The following CIMIP6 variants were observed in gnomAD, a reference collection of about 807,000 sequenced individuals.
The protein encoded by CIMIP6 is uncharacterized protein C2orf73.
the CIMIP6 span, among the ~76,000 whole-genome samples, chr2:54,355,675 T>A: frequency 1.3e-3 from 195 of 152,244 alleles, 1 homozygote; most frequent in Middle Eastern, 6.8e-3. Context: ...AGCTTCTCAG[T>A]CTGATTTTCT....
chr2:54,362,095 T>G, the CIMIP6 span, among the ~76,000 whole-genome samples: 2 of 152,174 alleles, frequency 1.3e-5, no homozygotes, highest in African/African-American at 4.8e-5. Context: ...AATTTACATG[T>G]AAGACTTCTC....
the CIMIP6 span, among the ~76,000 whole-genome samples, chr2:54,370,422 ATTACAATTATTT>A: frequency 6.6e-6 from 1 of 150,714 alleles, no homozygotes; most frequent in Non-Finnish European, 1.5e-5. Context: ...TCAAAGGTGT[ATTACAATTATTT>A]TTAGTACTAA....
chr2:54,378,937 C>A, the CIMIP6 span, among the ~76,000 whole-genome samples: 1 of 152,178 alleles, frequency 6.6e-6, no homozygotes, highest in Non-Finnish European at 1.5e-5. Context: ...ATTTTCACAT[C>A]TTTGGTTTTT....
At chr2:54,355,607 C>A in the CIMIP6 span, among the ~76,000 whole-genome samples, 1 of 151,932 alleles carries the variant, frequency 6.6e-6, no homozygotes, top group Non-Finnish European at 1.5e-5. Flanking sequence ...ATACTTCCAC[C>A]TTCCATGTCT....
At chr2:54,355,573 T>C in the CIMIP6 span, among the ~76,000 whole-genome samples, 1 of 152,088 alleles carries the variant, frequency 6.6e-6, no homozygotes. Context: ...CCCTTCCCTC[T>C]ATTTCTTCTT....
At chr2:54,370,441 C>CA in the CIMIP6 span, among the ~76,000 whole-genome samples, 1 of 141,224 alleles carries the variant, frequency 7.1e-6, no homozygotes, top group Non-Finnish European at 1.6e-5. Flanking sequence ...ATTTTTAGTA[C>CA]TAAAAAAAAA....
At chr2:54,332,040 A>G in the CIMIP6 span, among the ~76,000 whole-genome samples, 6 of 152,186 alleles carry the variant, frequency 3.9e-5, no homozygotes, top group African/African-American at 1.4e-4. Context: ...CAAGGTCACA[A>G]TTGATGCCAA....
the CIMIP6 span, among the ~76,000 whole-genome samples, chr2:54,367,876 T>C: frequency 6.6e-6 from 1 of 152,314 alleles, no homozygotes; most frequent in African/African-American, 2.4e-5. Flanking sequence ...TACAAAAATT[T>C]CTTCAAATTA....
chr2:54,381,865 A>G, the CIMIP6 span: 8 of 1,547,198 alleles, frequency 5.2e-6, no homozygotes, highest in Non-Finnish European at 7.0e-6. Flanking sequence ...TGAGAAAAGG[A>G]GCCAAGACTG....
At chr2:54,359,240 A>T in the CIMIP6 span, among the ~76,000 whole-genome samples, 1 of 152,180 alleles carries the variant, frequency 6.6e-6, no homozygotes, top group South Asian at 2.1e-4. Context: ...AAGGAATAAT[A>T]CTATCCTGGT....
chr2:54,373,251 G>C, the CIMIP6 span, among the ~76,000 whole-genome samples: 1 of 152,032 alleles, frequency 6.6e-6, no homozygotes, highest in Admixed American at 6.5e-5. Flanking sequence ...CAAGCCCAGC[G>C]CTGGCTGCTC....
At chr2:54,334,827 A>C in the CIMIP6 span, 1,753 of 1,542,630 alleles carry the variant, frequency 1.1e-3, 20 homozygotes, top group East Asian at 0.022. Flanking sequence ...ACAGCATAAA[A>C]TAGAGGATGC....
At chr2:54,331,021 G>A in the CIMIP6 span, 1 of 1,613,518 alleles carries the variant, frequency 6.2e-7, no homozygotes, top group South Asian at 1.1e-5. Flanking sequence ...GGGGTTTGGT[G>A]TCTTATTTCC....
At chr2:54,344,024 T>A in the CIMIP6 span, among the ~76,000 whole-genome samples, 1,958 of 152,236 alleles carry the variant, frequency 0.013, 52 homozygotes, top group African/African-American at 0.045. Context: ...CCTTGGGAAG[T>A]TTGTTATTTC....
At chr2:54,337,711 A>G in the CIMIP6 span, among the ~76,000 whole-genome samples, 2 of 152,246 alleles carry the variant, frequency 1.3e-5, no homozygotes, top group South Asian at 2.1e-4. Context: ...AAGAGCTGCT[A>G]TCATCAAGAC....
At chr2:54,358,420 A>G in the CIMIP6 span, among the ~76,000 whole-genome samples, 2 of 151,652 alleles carry the variant, frequency 1.3e-5, no homozygotes, top group African/African-American at 4.8e-5. Context: ...TTTTTCCTTA[A>G]TGAGACAAGA....
the CIMIP6 span, among the ~76,000 whole-genome samples, chr2:54,347,014 ACT>A: frequency 1.2e-4 from 19 of 152,064 alleles, no homozygotes; most frequent in African/African-American, 4.6e-4. Flanking sequence ...AGGTAGAGAC[ACT>A]CTCTGAAAGT....
At chr2:54,375,779 G>A in the CIMIP6 span, among the ~76,000 whole-genome samples, 1 of 152,244 alleles carries the variant, frequency 6.6e-6, no homozygotes, top group Non-Finnish European at 1.5e-5. Context: ...TTGAGCATGG[G>A]CTAGATCTTC....
chr2:54,377,008 C>T, the CIMIP6 span, among the ~76,000 whole-genome samples: 1 of 152,176 alleles, frequency 6.6e-6, no homozygotes, highest in Non-Finnish European at 1.5e-5. Flanking sequence ...TTACTTCTCA[C>T]CTTAGCAGTC....
Sources: gnomAD v4.1 joint callset for allele counts (sites outside exome capture counted in the v4.1 genomes callset) on GRCh38, gnomAD v4.1.1 for gene constraint, MANE v1.5 for transcripts, NCBI Gene and HGNC (gene_info 2026-07-23, HGNC 2026-07-21) for gene names.